Variants in ADCY1 observed in about 807,000 individuals in gnomAD.
The protein encoded by ADCY1 is adenylate cyclase 1.
Under a neutral mutation model 105.4 loss-of-function variants are expected in ADCY1, and 28 were observed. The observed-to-expected ratio is 0.27, with a 90% CI of 0.20 to 0.36. The LOEUF (loss-of-function observed/expected upper bound fraction) is 0.36, where lower values mean the gene tolerates loss of function less well. Among genes scored for constraint, ADCY1 ranks in the 10% least tolerant of loss-of-function variants. ADCY1 has a pLI of 1.00. For synonymous variants in ADCY1, 655 were observed against 623.8 expected, an observed-to-expected ratio of 1.05 and a Z score of -0.75; for missense variants, 977 against 1,434.2, an observed-to-expected ratio of 0.68 and a Z score of 5.15.
intron 14 of ADCY1, among the ~76,000 whole-genome samples, chr7:45,689,843 C>T (rs530578510): frequency 6.6e-6 from 1 of 152,204 alleles, no homozygotes; most frequent in South Asian, 2.1e-4. Flanking sequence ...GCTTCAGATT[C>T]GGTTATGGAA....
intron 8 of ADCY1, among the ~76,000 whole-genome samples, chr7:45,675,259 G>A (rs1784434642): frequency 1.3e-5 from 2 of 152,010 alleles, no homozygotes. Context: ...ACAGCCTACT[G>A]ATGTCAACAT....
intron 5 of ADCY1, among the ~76,000 whole-genome samples, chr7:45,653,832 T>G (rs1794873612): frequency 6.6e-6 from 1 of 152,182 alleles, no homozygotes; most frequent in Non-Finnish European, 1.5e-5. Flanking sequence ...TTGCTCCTAG[T>G]CAGCCAGTTC....
intron 5 of ADCY1, among the ~76,000 whole-genome samples, chr7:45,654,263 C>T (rs563940328): frequency 3.3e-5 from 5 of 152,154 alleles, no homozygotes; most frequent in South Asian, 2.1e-4. Flanking sequence ...ATAGGCAAAC[C>T]GTGAATCAGA....
chr7:45,642,981 G>A (rs944282791), intron 4 of ADCY1, among the ~76,000 whole-genome samples: 2 of 152,046 alleles, frequency 1.3e-5, no homozygotes, highest in African/African-American at 4.8e-5. Context: ...ATAATAATCA[G>A]CACCCCGTTA....
chr7:45,641,507 T>C (rs1400684243), intron 4 of ADCY1, among the ~76,000 whole-genome samples: 1 of 152,160 alleles, frequency 6.6e-6, no homozygotes, highest in Non-Finnish European at 1.5e-5. Flanking sequence ...ATAAATCCTT[T>C]AACTCTATCA....
At chr7:45,612,101 T>C (rs950941911) in intron 3 of ADCY1, among the ~76,000 whole-genome samples, 3 of 152,242 alleles carry the variant, frequency 2.0e-5, no homozygotes, top group African/African-American at 7.2e-5. Flanking sequence ...ACGTGTTCAC[T>C]GCCCATTGTC....
intron 4 of ADCY1, among the ~76,000 whole-genome samples, chr7:45,640,384 A>G (rs1413318893): frequency 6.6e-6 from 1 of 152,230 alleles, no homozygotes; most frequent in African/African-American, 2.4e-5. Flanking sequence ...AAAATCATAA[A>G]TTGATACATG....
intron 14 of ADCY1, among the ~76,000 whole-genome samples, chr7:45,696,900 C>T (rs1371582595): frequency 6.6e-6 from 1 of 152,136 alleles, no homozygotes; most frequent in Non-Finnish European, 1.5e-5. Flanking sequence ...GACAGAATGC[C>T]ATGAAGGCCC....
chr7:45,635,234 C>T lies in ADCY1; in HGVS notation c.1020+12491C>T, dbSNP rs868106613. The stretch of plus-strand genomic sequence containing the variant: ...TGTAGAATCTATAGTGATGTCACCT[C>T]TTTTATCCATGGTTTTGGTAAGTTT... On this transcript the variant is annotated intron_variant, in intron 4 of 19. Transcript: ENST00000297323. Among the ~76,000 whole-genome samples, 3 of 151,258 alleles carry T rather than the reference C, an allele frequency of 2.0e-5. No individual in the cohort carries two copies. In the Middle Eastern group the frequency reaches 0.01, roughly 514 times the overall value.
intron 11 of ADCY1, chr7:45,684,482 T>C (rs1230317858): frequency 6.6e-6 from 1 of 152,360 alleles, no homozygotes; most frequent in Admixed American, 6.5e-5. Flanking sequence ...AAAGGACTTC[T>C]TTTATCCGTG....
At chr7:45,681,220 A>AC (rs1337338696) in intron 11 of ADCY1, among the ~76,000 whole-genome samples, 1 of 152,068 alleles carries the variant, frequency 6.6e-6, no homozygotes, top group Non-Finnish European at 1.5e-5. Flanking sequence ...GCCCAGAATT[A>AC]CCCCCCTTTT....
intron 4 of ADCY1, among the ~76,000 whole-genome samples, chr7:45,636,967 C>T (rs1469789889): frequency 2.0e-5 from 3 of 152,188 alleles, no homozygotes; most frequent in Non-Finnish European, 4.4e-5. Flanking sequence ...TAGGTTTGGT[C>T]TGTTACCTTG....
intron 8 of ADCY1, among the ~76,000 whole-genome samples, chr7:45,662,431 C>G (rs1795130638): frequency 1.3e-5 from 2 of 152,212 alleles, no homozygotes; most frequent in Non-Finnish European, 2.9e-5. Context: ...TGTATTTGTC[C>G]ATAATCCATG....
intron 19 of ADCY1, among the ~76,000 whole-genome samples, chr7:45,711,676 C>CAT (rs1348990523): frequency 2.2e-5 from 3 of 135,936 alleles, no homozygotes; most frequent in Non-Finnish European, 4.7e-5. Context: ...CACATATACA[C>CAT]ATATATACAC....
chr7:45,689,671 C>T (rs1784751184), intron 14 of ADCY1, among the ~76,000 whole-genome samples: 1 of 152,174 alleles, frequency 6.6e-6, no homozygotes, highest in African/African-American at 2.4e-5. Flanking sequence ...TTGGCAGGGA[C>T]AGATACCCAA....
intron 4 of ADCY1, among the ~76,000 whole-genome samples, chr7:45,626,793 G>A (rs1380213090): frequency 1.3e-5 from 2 of 152,196 alleles, no homozygotes; most frequent in African/African-American, 2.4e-5. Flanking sequence ...AGGGGAGCTC[G>A]ATTAGGGATC....
chr7:45,637,250 C>T (rs991804463), intron 4 of ADCY1, among the ~76,000 whole-genome samples: 2 of 152,248 alleles, frequency 1.3e-5, no homozygotes, highest in South Asian at 4.1e-4. Flanking sequence ...ACATTGTTCC[C>T]ATACATTTTA....
chr7:45,619,454 T>C (rs1191120415), intron 3 of ADCY1, among the ~76,000 whole-genome samples: 1 of 152,178 alleles, frequency 6.6e-6, no homozygotes, highest in East Asian at 1.9e-4. Flanking sequence ...TGTATACATA[T>C]ATTGAAGTGT....
intron 1 of ADCY1, among the ~76,000 whole-genome samples, chr7:45,577,173 A>G (rs545775759): frequency 6.6e-6 from 1 of 152,272 alleles, no homozygotes; most frequent in African/African-American, 2.4e-5. Flanking sequence ...GGGCAATCCA[A>G]AGCCTTCCCT....
Sources: gnomAD v4.1 joint callset for allele counts (sites outside exome capture counted in the v4.1 genomes callset) on GRCh38, gnomAD v4.1.1 for gene constraint, MANE v1.5 for transcripts, NCBI Gene and HGNC (gene_info 2026-07-23, HGNC 2026-07-21) for gene names.